CAMSAP3: variants seen among roughly 807,000 people sequenced by gnomAD.
CAMSAP3 encodes the protein calmodulin-regulated spectrin-associated protein 3.
Under a neutral mutation model 112.5 loss-of-function variants are expected in CAMSAP3, and 34 were observed. That is an observed-to-expected ratio of 0.30 (90% CI 0.23 to 0.40). The LOEUF (loss-of-function observed/expected upper bound fraction) is 0.40, where lower values mean the gene tolerates loss of function less well. CAMSAP3 is among the 10% of genes least tolerant of loss of function. The pLI, the probability that CAMSAP3 is intolerant of heterozygous loss-of-function variation, is 1.00. For missense variants in CAMSAP3, 1,602 were observed against 1,770.3 expected (o/e 0.90, Z 1.71); for synonymous variants, 868 against 799.8 (o/e 1.09, Z -1.44).
chr19:7,607,221 G>C lies in CAMSAP3; in HGVS notation c.621+650G>C, dbSNP rs1205290785. Among the ~76,000 whole-genome samples, 4 of 152,128 alleles carry C rather than the reference G, an allele frequency of 2.6e-5. No individual in the cohort carries two copies. Among genetic ancestry groups the C allele is most frequent in the Non-Finnish European group, 5.9e-5 (4 of 68,030 alleles). On this transcript the variant is annotated intron_variant, in intron 4 of 16. Coordinates refer to ENST00000160298, the MANE Select transcript of CAMSAP3 (RefSeq NM_020902.2). This position sits in a 1 kb window ranked among gnomAD's most constrained non-coding sequence, Gnocchi z 4.9. The stretch of plus-strand genomic sequence containing the variant: ...GTGGATCCTGACCCTAGCAGGCAGG[G>C]CACCCTCTGGCCAAGGGGAAGACCC...
intron 1 of CAMSAP3, among the ~76,000 whole-genome samples, chr19:7,599,585 TCCAC>T (rs1279833985): frequency 1.5e-3 from 63 of 41,980 alleles, no homozygotes; most frequent in African/African-American, 4.4e-3. Flanking sequence ...CATCCATCCA[TCCAC>T]CCACCCACCT....
Position 7,595,891 on chromosome 19 carries a change from C to G in CAMSAP3, c.-112C>G. 2 of 441,800 alleles carry G rather than the reference C, an allele frequency of 4.5e-6. No individual in the cohort carries two copies. Among genetic ancestry groups the G allele is most frequent in the Non-Finnish European group, 6.0e-6 (2 of 335,150 alleles). 27.4% of individuals were successfully genotyped at this position (441,800 alleles called of 1,614,324 possible). Reference sequence around the variant, plus strand: ...CCTGGCTCAGCAGCGGCGGCGGCGGCGGCGGCGGCAGCGGCGGTAGCAGCA... The same window carrying G: ...CCTGGCTCAGCAGCGGCGGCGGCGGGGGCGGCGGCAGCGGCGGTAGCAGCA... On this transcript the variant is annotated 5_prime_UTR_variant, in exon 1 of 17. Transcript: ENST00000160298.
chr19:7,613,196 G>A lies in CAMSAP3; in HGVS notation c.2670+33G>A, dbSNP rs529477815. On this transcript the variant is annotated intron_variant, in intron 11 of 16. Transcript: ENST00000160298. ...CCCGAGCAGGTGGCTGGAGGGTCCT[G>A]GGCCTGGGGCGGGGGCGGGTGGGGG... 1.7e-5 allele frequency: 23 copies of A among 1,327,398 alleles called. No homozygotes were observed. In the African/African-American group the frequency reaches 3.3e-4, roughly 19 times the overall value. 82.2% of individuals were successfully genotyped at this position (1,327,398 alleles called of 1,614,324 possible). A position where few individuals can be genotyped will look rare whatever the true frequency, so the allele number is the denominator to read the frequency against.
chr19:7,606,036 A>G (rs1182621962), intron 2 of CAMSAP3, among the ~76,000 whole-genome samples: 1 of 151,940 alleles, frequency 6.6e-6, no homozygotes, highest in Non-Finnish European at 1.5e-5. Flanking sequence ...ACCCTATCCT[A>G]ACGCCTAGCA....
rs761412022 is a variant in CAMSAP3 at position 7,612,213 on chromosome 19, C to A, written c.1720C>A (p.Leu574Met). ...MTSFAERKKQLVKAEAEAGAG... is the reference protein window; with the variant it reads ...MTSFAERKKQMVKAEAEAGAG... Reference sequence around the variant, plus strand: ...CAGCTTTGCAGAACGCAAGAAACAGCTGGTGAAGGCAGAGGCTGAGGCCGG... The same window carrying A: ...CAGCTTTGCAGAACGCAAGAAACAGATGGTGAAGGCAGAGGCTGAGGCCGG... The change falls in exon 11 of 17, where the codon CTG (leucine) becomes ATG (methionine). Residue 574 changes from leucine (L) to methionine (M), a missense_variant. By Grantham distance (15) the Leu-to-Met change is conservative. Coordinates refer to ENST00000160298, the MANE Select transcript of CAMSAP3 (RefSeq NM_020902.2). 7 of 1,600,050 alleles carry A rather than the reference C, an allele frequency of 4.4e-6. No homozygotes were observed. In the South Asian group the frequency reaches 7.8e-5, roughly 18 times the overall value.
rs767970689 is a variant in CAMSAP3, at chr19:7,611,956, C to G, written c.1463C>G (p.Pro488Arg). 5.6e-6 allele frequency: 9 copies of G among 1,610,308 alleles called. No individual in the cohort carries two copies. Among genetic ancestry groups the G allele is most frequent in the African/African-American group, 1.3e-5 (1 of 74,920 alleles). ...AADGSFYLHS[P>R]EGPSKPSLAS... ...GACGGCAGCTTCTACCTCCACTCCC[C>G]TGAGGGGCCCTCCAAGCCATCCCTG... is the stretch of plus-strand genomic sequence containing the variant. Residue 488 changes from proline (P) to arginine (R), a missense_variant, in exon 11 of 17, where the codon CCT (proline) becomes CGT (arginine). Around this residue, in one of 6 missense-constraint regions of CAMSAP3, gnomAD observed 1,100 missense variants for 1,135.7 expected, o/e 0.97. Coordinates refer to ENST00000160298, the MANE Select transcript of CAMSAP3 (RefSeq NM_020902.2). The surrounding 1 kb of genome is among the most constrained non-coding windows in gnomAD (Gnocchi z 6.9).
At chr19:7,605,517 T>G in intron 2 of CAMSAP3, 38 bp downstream of exon 2, 1 of 1,431,900 alleles carries the variant, frequency 7.0e-7, no homozygotes, top group Non-Finnish European at 9.1e-7. Context: ...ACGCCTACCA[T>G]GCTCAGCTCC....
At position 7,615,702 on chromosome 19, in the gene CAMSAP3, C is replaced by A; in HGVS notation, c.3095C>A (p.Pro1032Gln). The A allele has an allele frequency of 1.4e-6, 2 of 1,408,206 alleles. No individual in the cohort carries two copies. Among genetic ancestry groups the A allele is most frequent in the Non-Finnish European group, 1.8e-6 (2 of 1,087,712 alleles). The allele number at this position is 1,408,206 out of a possible 1,614,324, so 87.2% of individuals were successfully genotyped here. Reference sequence around the variant, plus strand: ...GACGACTCAGCCCTGGCACGAAGCCCAGCCCGCGGCCTGCTGGGTGAGGAC... The same window carrying A: ...GACGACTCAGCCCTGGCACGAAGCCAAGCCCGCGGCCTGCTGGGTGAGGAC... ...CCDDSALARSPARGLLGSRLS... is the reference protein window; with the variant it reads ...CCDDSALARSQARGLLGSRLS... Residue 1032 changes from proline to glutamine, a missense_variant, in exon 13 of 17, where the codon CCA (proline) becomes CAA (glutamine). Pro to Gln is a moderately conservative substitution (Grantham distance 76, BLOSUM62 -1). Around this residue, in one of 6 missense-constraint regions of CAMSAP3, gnomAD observed 1,100 missense variants for 1,135.7 expected, o/e 0.97. Transcript: ENST00000160298. This position sits in a 1 kb window ranked among gnomAD's most constrained non-coding sequence, Gnocchi z 6.5.
chr19:7,614,907 A>G (rs2030698060), intron 11 of CAMSAP3: 2 of 560,288 alleles, frequency 3.6e-6, no homozygotes, highest in Admixed American at 6.2e-5. Flanking sequence ...TGTGCCCAAC[A>G]CGAGCTTTTG....
chr19:7,612,724 T>C lies in CAMSAP3; in HGVS notation c.2231T>C (p.Val744Ala). ...PGSAPPPAAW[V>A]IPGPTTGPKA... ...TCCGCCCCACCACCTGCTGCGTGGG[T>C]CATCCCTGGCCCCACGACGGGGCCC... The change falls in exon 11 of 17, where the codon GTC becomes GCC. Residue 744 changes from valine (V) to alanine (A), a missense_variant. Coordinates refer to ENST00000160298, the MANE Select transcript of CAMSAP3 (RefSeq NM_020902.2). 1 of 1,529,862 alleles carries C rather than the reference T, an allele frequency of 6.5e-7. No individual in the cohort carries two copies. Among genetic ancestry groups the C allele is most frequent in the Non-Finnish European group, 8.7e-7 (1 of 1,143,572 alleles). The allele number at this position is 1,529,862 out of a possible 1,614,324, so 94.8% of individuals were successfully genotyped here.
Position 7,596,094 on chromosome 19 carries a change from G to A in CAMSAP3, c.92G>A (p.Arg31Gln), listed in dbSNP as rs868200951. ...TCGCTGGACCAGTACGATTTCTCGCGGGCCAAGGCGGCGGCCAGCCTGGCG... is the reference window on the plus strand; with the variant it reads ...TCGCTGGACCAGTACGATTTCTCGCAGGCCAAGGCGGCGGCCAGCCTGGCG... ...IKSLDQYDFS[R>Q]AKAAASLAWV... is the part of the protein sequence containing the mutation. Residue 31 changes from arginine (R) to glutamine (Q), a missense_variant, in exon 1 of 17, where the codon CGG (arginine) becomes CAG (glutamine). Arg to Gln is a conservative substitution (Grantham distance 43, BLOSUM62 1). Coordinates refer to ENST00000160298, the MANE Select transcript of CAMSAP3 (RefSeq NM_020902.2). 2 of 1,274,550 alleles carry A rather than the reference G, an allele frequency of 1.6e-6. No homozygotes were observed. The highest frequency in any genetic ancestry group is 2.5e-5 in the Admixed American group (1 of 40,470). The allele number at this position is 1,274,550 out of a possible 1,614,324, so 79.0% of individuals were successfully genotyped here.
At chr19:7,604,576 C>G (rs1477163728) in intron 1 of CAMSAP3, among the ~76,000 whole-genome samples, 3 of 152,146 alleles carry the variant, frequency 2.0e-5, no homozygotes, top group African/African-American at 4.8e-5. Flanking sequence ...GTTTACATCA[C>G]TCAACTCCCT....
Position 7,608,136 on chromosome 19 carries a change from G to T in CAMSAP3, c.632G>T (p.Arg211Leu), listed in dbSNP as rs763852626. The T allele has an allele frequency of 5.6e-6, 9 of 1,611,244 alleles. No individual in the cohort carries two copies. Among genetic ancestry groups the T allele is most frequent in the Non-Finnish European group, 7.6e-6 (9 of 1,179,654 alleles). The change falls in exon 5 of 17, where the codon CGC becomes CTC. Residue 211 changes from arginine (R) to leucine (L), a missense_variant. Arg to Leu is a moderately radical substitution (Grantham distance 102). Coordinates refer to ENST00000160298, the MANE Select transcript of CAMSAP3 (RefSeq NM_020902.2). ...AAPAQPSIRYRKDRVVARRAP... is the reference protein window; with the variant it reads ...AAPAQPSIRYLKDRVVARRAP... Reference sequence around the variant, plus strand: ...GGCTCCCATCTGCAGATCCGATACCGCAAGGACCGTGTGGTGGCGCGACGT... The same window carrying T: ...GGCTCCCATCTGCAGATCCGATACCTCAAGGACCGTGTGGTGGCGCGACGT...
chr19:7,599,091 A>C (rs949444352), intron 1 of CAMSAP3, among the ~76,000 whole-genome samples: 1 of 151,782 alleles, frequency 6.6e-6, no homozygotes, highest in Non-Finnish European at 1.5e-5. Flanking sequence ...GGATTGCCTG[A>C]GCCCAGGAGT....
rs774028366 is a variant in CAMSAP3 at position 7,612,398 on chromosome 19, C to T, written c.1905C>T (p.Ser635=). The T allele has an allele frequency of 8.8e-6, 14 of 1,595,802 alleles. No homozygotes were observed. The highest frequency in any genetic ancestry group is 1.7e-4 in the Middle Eastern group (1 of 5,896). ...FAKHRQRLGK[S]AFLQVQPREA... Reference sequence around the variant, plus strand: ...AGCACCGCCAGCGGCTGGGCAAAAGCGCCTTCCTGCAGGTGCAGCCGCGGG... The same window carrying T: ...AGCACCGCCAGCGGCTGGGCAAAAGTGCCTTCCTGCAGGTGCAGCCGCGGG... Residue 635 remains serine, a synonymous_variant, in exon 11 of 17, where the codon AGC becomes AGT. Transcript: ENST00000160298.
chr19:7,608,708 C>T (rs968305278), intron 5 of CAMSAP3, among the ~76,000 whole-genome samples: 4 of 149,062 alleles, frequency 2.7e-5, no homozygotes, highest in African/African-American at 9.9e-5. Context: ...GATCTCGGCT[C>T]ACTGCAACCT....
rs1355344064 is a variant in CAMSAP3, at chr19:7,612,762, C to T, written c.2269C>T (p.Pro757Ser). Reference protein sequence around the residue: ...GPTTGPKAASPSPARRVPATR... With the variant: ...GPTTGPKAASSSPARRVPATR... ...CACGACGGGGCCCAAAGCTGCATCC[C>T]CCAGCCCCGCCCGGCGAGTCCCGGC... The change falls in exon 11 of 17, where the codon CCC becomes TCC. Residue 757 changes from proline (P) to serine (S), a missense_variant. Physicochemically the swap from Pro to Ser is moderately conservative, Grantham distance 74 (BLOSUM62 -1). Coordinates refer to ENST00000160298, the MANE Select transcript of CAMSAP3 (RefSeq NM_020902.2). 16 of 1,530,440 alleles carry T rather than the reference C, an allele frequency of 1.0e-5. No homozygotes were observed. Among genetic ancestry groups the T allele is most frequent in the African/African-American group, 1.4e-5 (1 of 72,386 alleles). 94.8% of individuals were successfully genotyped at this position (1,530,440 alleles called of 1,614,324 possible).
chr19:7,596,536 C>T (rs1395132661), intron 1 of CAMSAP3, among the ~76,000 whole-genome samples: 1 of 152,152 alleles, frequency 6.6e-6, no homozygotes, highest in Non-Finnish European at 1.5e-5. Flanking sequence ...CTTTTACACA[C>T]ATCACGCCCC....
intron 1 of CAMSAP3, among the ~76,000 whole-genome samples, chr19:7,603,211 TTTC>T (rs2030048083): frequency 6.6e-6 from 1 of 150,732 alleles, no homozygotes; most frequent in Admixed American, 6.7e-5. Context: ...TTTTTTTTTC[TTTC>T]TTTCTTTTTT....
Sources: allele counts gnomAD v4.1 joint callset (sites outside exome capture counted in the v4.1 genomes callset), GRCh38; gene constraint gnomAD v4.1.1; regional missense constraint gnomAD v4.1.1; non-coding constraint Gnocchi (gnomAD v3.1); transcripts MANE v1.5; gene names NCBI Gene and HGNC (gene_info 2026-07-23, HGNC 2026-07-21).